Variants in GCNT1 observed in about 807,000 individuals in gnomAD.
GCNT1 encodes beta-1,3-galactosyl-O-glycosyl-glycoprotein beta-1,6-N-acetylglucosaminyltransferase.
Under a neutral mutation model 26.2 loss-of-function variants are expected in GCNT1, and 16 were observed. The observed-to-expected ratio is 0.61, with a 90% CI of 0.41 to 0.93. The LOEUF is 0.93. Ranked by LOEUF, GCNT1 falls within the 40% of genes least tolerant of loss-of-function variation. The pLI is 0.00. For missense variants in GCNT1, 477 were observed against 526.7 expected (o/e 0.91, Z 0.92); for synonymous variants, 183 against 190.8 (o/e 0.96, Z 0.34).
intron 1 of GCNT1, among the ~76,000 whole-genome samples, chr9:76,424,729 A>G (rs538657764): frequency 6.6e-6 from 1 of 152,352 alleles, no homozygotes; most frequent in South Asian, 2.1e-4. Context: ...AAAGTGGCAT[A>G]TTGGTGTTAA....
chr9:76,503,676 G>A lies in GCNT1; in HGVS notation c.*8G>A, dbSNP rs778403708. 11 of 1,601,926 alleles carry A rather than the reference G, an allele frequency of 6.9e-6. No individual in the cohort carries two copies. Among genetic ancestry groups the A allele is most frequent in the South Asian group, 6.6e-5 (6 of 90,854 alleles). ...GAGACATTAAAACACTGACCATTAC[G>A]GGCAATTTTATGAACAAGAAGAAGG... On this transcript the variant is annotated 3_prime_UTR_variant, in exon 4 of 4. Transcript: ENST00000376730.
Position 76,505,913 on chromosome 9 carries a change from C to G in GCNT1, c.*2245C>G, listed in dbSNP as rs1187852594. The G allele has an allele frequency of 3.6e-5, 6 of 166,370 alleles. No individual in the cohort carries two copies. Among genetic ancestry groups the G allele is most frequent in the East Asian group, 1.9e-4 (1 of 5,194 alleles). The allele number at this position is 166,370 out of a possible 1,614,324, so 10.3% of individuals were successfully genotyped here. Reference sequence around the variant, plus strand: ...GCGCCACATTATAACTGTAAACTTACCATCTTCTATGTAGCTGTGATATCT... The same window carrying G: ...GCGCCACATTATAACTGTAAACTTAGCATCTTCTATGTAGCTGTGATATCT... On this transcript the variant is annotated 3_prime_UTR_variant, in exon 4 of 4. Transcript: ENST00000376730.
chr9:76,464,847 T>A (rs1263548700), intron 2 of GCNT1, among the ~76,000 whole-genome samples: 1 of 152,264 alleles, frequency 6.6e-6, no homozygotes, highest in Non-Finnish European at 1.5e-5. Flanking sequence ...CAGATAGCAC[T>A]TCCTACATTC....
chr9:76,503,150 A>C lies in GCNT1; in HGVS notation c.769A>C (p.Lys257Gln). ...MPSHKEERWK[K>Q]RYEVVNGKLT... ...ATCCCATAAAGAAGAAAGGTGGAAG[A>C]AGCGGTATGAGGTCGTTAATGGAAA... Residue 257 changes from lysine (K) to glutamine (Q), a missense_variant, in exon 4 of 4, where the codon AAG (lysine) becomes CAG (glutamine). Physicochemically the swap from Lys to Gln is moderately conservative, Grantham distance 53. Coordinates refer to ENST00000376730, the MANE Select transcript of GCNT1 (RefSeq NM_001490.5). The C allele has an allele frequency of 6.2e-7, 1 of 1,614,212 alleles. No homozygotes were observed. The highest frequency in any genetic ancestry group is 8.5e-7 in the Non-Finnish European group (1 of 1,180,036).
upstream of GCNT1, among the ~76,000 whole-genome samples, chr9:76,457,397 C>T (rs1366910539): frequency 1.3e-5 from 2 of 152,142 alleles, no homozygotes; most frequent in South Asian, 2.1e-4. Flanking sequence ...TGCAGGCACA[C>T]GCCACCGCAG....
At chr9:76,455,456 T>C (rs888070038), upstream of GCNT1, among the ~76,000 whole-genome samples, 10 of 152,208 alleles carry the variant, frequency 6.6e-5, no homozygotes. Context: ...CCATGATGAT[T>C]ACCTAAGTCA....
chr9:76,441,878 C>A (rs571188377), exon 1 of GCNT1: 2 of 152,272 alleles, frequency 1.3e-5, no homozygotes, highest in East Asian at 1.9e-4. Flanking sequence ...GTCTGAGAAA[C>A]CTGAAACCTG....
chr9:76,502,924 AT>A lies in GCNT1; in HGVS notation c.545del (p.Leu182TrpfsTer19). ...TTAGTAATGTCTTTGTGGCCAGCCG[AT>A]TGGAGAGTGTGGTTTATGCATCGTG... ...CFSNVFVASR[L>X]ESVVYASWSR... is the part of the protein sequence containing the mutation. On this transcript the variant is annotated frameshift_variant, in exon 4 of 4. Coordinates refer to ENST00000376730, the MANE Select transcript of GCNT1 (RefSeq NM_001490.5). LOFTEE classifies it high-confidence loss of function. The A allele has an allele frequency of 6.2e-7, 1 of 1,613,354 alleles. No homozygotes were observed. The highest frequency in any genetic ancestry group is 1.1e-5 in the South Asian group (1 of 91,074).
chr9:76,461,616 G>A (rs1364857568), intron 2 of GCNT1, among the ~76,000 whole-genome samples: 2 of 148,662 alleles, frequency 1.3e-5, no homozygotes, highest in African/African-American at 5.0e-5. Context: ...GCCTGGGCAT[G>A]GTGGCTCACA....
At chr9:76,499,860 T>G (rs1343871519) in intron 2 of GCNT1, among the ~76,000 whole-genome samples, 1 of 152,200 alleles carries the variant, frequency 6.6e-6, no homozygotes, top group Non-Finnish European at 1.5e-5. Context: ...TTCAACTATT[T>G]TTCTACCTCC....
At chr9:76,420,222 G>A (rs1174058265) in intron 1 of GCNT1, 1 of 152,156 alleles carries the variant, frequency 6.6e-6, no homozygotes, top group Admixed American at 6.6e-5. Context: ...TCCACCCTGG[G>A]TGCTCTCTGT....
chr9:76,426,321 C>G (rs1241227987), intron 1 of GCNT1, among the ~76,000 whole-genome samples: 1 of 152,056 alleles, frequency 6.6e-6, no homozygotes, highest in Non-Finnish European at 1.5e-5. Flanking sequence ...CCATTCTAGC[C>G]CTTTGGGAGG....
chr9:76,474,973 G>A (rs750039584), intron 2 of GCNT1, among the ~76,000 whole-genome samples: 31 of 152,122 alleles, frequency 2.0e-4, no homozygotes, highest in Middle Eastern at 3.2e-3. Flanking sequence ...GTCTCGCTCC[G>A]TTGCCCAGGC....
upstream of GCNT1, among the ~76,000 whole-genome samples, chr9:76,454,823 A>G (rs1823728056): frequency 6.7e-6 from 1 of 149,674 alleles, no homozygotes; most frequent in Non-Finnish European, 1.5e-5. Flanking sequence ...CTGTGAGTCA[A>G]TTAAACCTCT....
intron 1 of GCNT1, among the ~76,000 whole-genome samples, chr9:76,442,628 C>T (rs1823498439): frequency 6.6e-6 from 1 of 152,054 alleles, no homozygotes; most frequent in South Asian, 2.1e-4. Flanking sequence ...TTGCAGTGAG[C>T]CAAGATCATG....
chr9:76,439,587 G>A (rs561836976), upstream of GCNT1, among the ~76,000 whole-genome samples: 1 of 152,236 alleles, frequency 6.6e-6, no homozygotes, highest in Non-Finnish European at 1.5e-5. Context: ...CATTTCCTTA[G>A]TAGAGATGGA....
upstream of GCNT1, among the ~76,000 whole-genome samples, chr9:76,441,168 C>A (rs573471290): frequency 6.6e-6 from 1 of 151,774 alleles, no homozygotes; most frequent in Non-Finnish European, 1.5e-5. Context: ...TTGTTTGAGA[C>A]GAAGTCTTGC....
rs7022424 is a variant in GCNT1 at position 76,476,046 on chromosome 9, G to A, written c.-290+15869G>A. ...ATTTTGAACATGTAGAGGAAATTGG[G>A]GAGACAGTGCTTTTTATTTTTGCTA... On this transcript the variant is annotated intron_variant, in intron 2 of 3. Transcript: ENST00000376730. Among the ~76,000 whole-genome samples, 1,402 of 152,252 alleles carry A rather than the reference G, an allele frequency of 9.2e-3. 17 individuals are homozygous for A. Among genetic ancestry groups the A allele is most frequent in the African/African-American group, 0.032 (1,317 of 41,528 alleles).
the GCNT1 span, chr9:76,399,296 G>C: frequency 3.8e-4 from 534 of 1,420,680 alleles, 3 homozygotes; most frequent in African/African-American, 6.6e-3. Flanking sequence ...GGTCATGCCT[G>C]ATCTCTACTT....
Sources: gnomAD v4.1 joint callset for allele counts (sites outside exome capture counted in the v4.1 genomes callset) on GRCh38, gnomAD v4.1.1 for gene constraint, MANE v1.5 for transcripts, NCBI Gene and HGNC (gene_info 2026-07-23, HGNC 2026-07-21) for gene names.